The following LRP1B variants were observed in gnomAD, a reference collection of about 807,000 sequenced individuals.
LRP1B encodes LDL receptor related protein 1B, also known as low-density lipoprotein receptor-related protein 1B.
Under a neutral mutation model 556.6 loss-of-function variants are expected in LRP1B, and 217 were observed. The ratio of observed to expected loss-of-function variants is 0.39; its 90% CI spans 0.35 to 0.44. The LOEUF is 0.44. Ranked by LOEUF, LRP1B falls within the 20% of genes least tolerant of loss-of-function variation. The pLI is 1.00. For missense variants in LRP1B, 5,053 were observed against 5,620.8 expected (o/e 0.90, Z 3.23); for synonymous variants, 2,047 against 1,865.8 (o/e 1.10, Z -2.50).
intron 7 of LRP1B, among the ~76,000 whole-genome samples, chr2:141,182,692 G>T (rs1029130259): frequency 5.3e-5 from 8 of 151,928 alleles, no homozygotes; most frequent in African/African-American, 1.9e-4. Context: ...AAGAAAATTT[G>T]GAGGGAAACT....
chr2:140,469,539 T>C (rs1222749112), intron 60 of LRP1B, among the ~76,000 whole-genome samples: 1 of 152,218 alleles, frequency 6.6e-6, no homozygotes, highest in Non-Finnish European at 1.5e-5. Flanking sequence ...ACAAAAAATA[T>C]TAGGATTTAC....
chr2:141,737,093 C>G (rs1431761260), intron 2 of LRP1B, among the ~76,000 whole-genome samples: 1 of 152,150 alleles, frequency 6.6e-6, no homozygotes, highest in Admixed American at 6.6e-5. Context: ...GTGGTTCACA[C>G]CTGTAATCCC....
At chr2:141,982,742 T>A (rs967089668) in intron 1 of LRP1B, among the ~76,000 whole-genome samples, 1 of 152,226 alleles carries the variant, frequency 6.6e-6, no homozygotes, top group Non-Finnish European at 1.5e-5. Flanking sequence ...GTTATTCACA[T>A]AACAGGATCC....
chr2:141,884,812 G>A (rs950032687), intron 1 of LRP1B, among the ~76,000 whole-genome samples: 1 of 152,122 alleles, frequency 6.6e-6, no homozygotes, highest in Non-Finnish European at 1.5e-5. Context: ...GCTGCATAAA[G>A]TATCTTAATG....
At chr2:141,333,594 T>C (rs1687739374) in intron 3 of LRP1B, among the ~76,000 whole-genome samples, 1 of 152,206 alleles carries the variant, frequency 6.6e-6, no homozygotes. Context: ...GTTTGCTCTT[T>C]CAATTTAGGA....
At chr2:141,450,126 A>T (rs1681360475) in intron 3 of LRP1B, among the ~76,000 whole-genome samples, 1 of 152,174 alleles carries the variant, frequency 6.6e-6, no homozygotes, top group South Asian at 2.1e-4. Context: ...GGAGATACAG[A>T]GAAGAAGAGA....
chr2:141,933,459 G>A (rs996220102), intron 1 of LRP1B, among the ~76,000 whole-genome samples: 1 of 152,004 alleles, frequency 6.6e-6, no homozygotes, highest in African/African-American at 2.4e-5. Context: ...TCTGGGAATG[G>A]GGTCAAGAGA....
chr2:142,083,686 C>T (rs976257347), intron 1 of LRP1B, among the ~76,000 whole-genome samples: 1 of 152,084 alleles, frequency 6.6e-6, no homozygotes, highest in African/African-American at 2.4e-5. Context: ...CAAATATATG[C>T]AGTATGAAAA....
intron 1 of LRP1B, among the ~76,000 whole-genome samples, chr2:142,120,415 A>C (rs945632594): frequency 6.6e-6 from 1 of 152,080 alleles, no homozygotes; most frequent in Non-Finnish European, 1.5e-5. Context: ...CCCGGCCTTT[A>C]CTACAGTTTT....
At position 140,912,463 on chromosome 2, in the gene LRP1B, C is replaced by T. The variant is rs192234324; in HGVS notation, c.3320-4386G>A. On this transcript the variant is annotated intron_variant, in intron 21 of 90. Coordinates refer to ENST00000389484, the MANE Select transcript of LRP1B (RefSeq NM_018557.3). ...TATAACTATCCAATAGATAGAATAT[C>T]CAAAAATCTTTAAAATAAAGTTTTT... is the stretch of plus-strand genomic sequence containing the variant. 2.3e-3 allele frequency among the ~76,000 whole-genome samples: 341 copies of T among 151,554 alleles called. 2 individuals carry two copies. Among genetic ancestry groups the T allele is most frequent in the South Asian group, 7.9e-3 (38 of 4,810 alleles).
intron 6 of LRP1B, among the ~76,000 whole-genome samples, chr2:141,220,765 T>A: frequency 8.5e-6 from 1 of 117,460 alleles, no homozygotes; most frequent in East Asian, 2.0e-4. Flanking sequence ...ATATTCAACA[T>A]TCTTAAAAAA....
At chr2:140,712,194 A>T (rs1687053862) in intron 37 of LRP1B, among the ~76,000 whole-genome samples, 1 of 152,078 alleles carries the variant, frequency 6.6e-6, no homozygotes, top group African/African-American at 2.4e-5. Context: ...AGTGGTCCTT[A>T]TCCACTGGCT....
rs903290105 is a variant in LRP1B at position 141,136,751 on chromosome 2, G to A, written c.1013+51670C>T. Among the ~76,000 whole-genome samples, 6 of 151,720 alleles carry A rather than the reference G, an allele frequency of 4.0e-5. No individual in the cohort carries two copies. The East Asian group carries it at 9.7e-4, about 24-fold the overall frequency. ...AAATTGCTATTAATGCCCTGAAACTGCCAATTAGGGAGGAGAAAGATATAT... is the reference window on the plus strand; with the variant it reads ...AAATTGCTATTAATGCCCTGAAACTACCAATTAGGGAGGAGAAAGATATAT... On this transcript the variant is annotated intron_variant, in intron 7 of 90. Transcript: ENST00000389484.
intron 41 of LRP1B, among the ~76,000 whole-genome samples, chr2:140,676,086 A>G (rs1435962768): frequency 1.3e-5 from 2 of 152,232 alleles, no homozygotes; most frequent in Admixed American, 1.3e-4. Flanking sequence ...TATTAAATGT[A>G]AAACTAAGTA....
At chr2:140,407,118 C>T (rs962193601) in intron 66 of LRP1B, among the ~76,000 whole-genome samples, 3 of 151,996 alleles carry the variant, frequency 2.0e-5, no homozygotes, top group Non-Finnish European at 2.9e-5. Flanking sequence ...ATAAATGGTG[C>T]TGGGAAAACT....
intron 1 of LRP1B, among the ~76,000 whole-genome samples, chr2:142,124,339 AT>A (rs948643868): frequency 2.0e-5 from 3 of 151,946 alleles, no homozygotes; most frequent in African/African-American, 7.2e-5. Flanking sequence ...TATTCATGCC[AT>A]TGCATTTTTA....
chr2:140,478,705 A>G (rs1458087378), intron 59 of LRP1B, among the ~76,000 whole-genome samples: 1 of 152,068 alleles, frequency 6.6e-6, no homozygotes, highest in Non-Finnish European at 1.5e-5. Flanking sequence ...TAGTTATGTG[A>G]ACTTAGGAGC....
intron 2 of LRP1B, among the ~76,000 whole-genome samples, chr2:141,786,972 A>G (rs187778278): frequency 2.6e-5 from 4 of 151,968 alleles, no homozygotes; most frequent in Admixed American, 2.0e-4. Context: ...AAACAATCCA[A>G]TATTTCCAGT....
chr2:141,239,096 G>C (rs992267718), intron 5 of LRP1B, among the ~76,000 whole-genome samples: 1 of 152,054 alleles, frequency 6.6e-6, no homozygotes, highest in Non-Finnish European at 1.5e-5. Context: ...AGGACTGAAC[G>C]CTGAATCATG....
Sources: gnomAD v4.1 joint callset for allele counts (sites outside exome capture counted in the v4.1 genomes callset) on GRCh38, gnomAD v4.1.1 for gene constraint, MANE v1.5 for transcripts, NCBI Gene and HGNC (gene_info 2026-07-23, HGNC 2026-07-21) for gene names.